The following EYS variants were observed in gnomAD, a reference collection of about 807,000 sequenced individuals.
EYS encodes the protein protein eyes shut homolog.
EYS carries 250 observed loss-of-function variants against 282.1 expected under a neutral mutation model. The ratio of observed to expected loss-of-function variants is 0.89; its 90% CI spans 0.80 to 0.98. The LOEUF is 0.98. EYS is among the 50% of genes least tolerant of loss of function. The pLI is 0.00. For synonymous variants in EYS, 1,355 were observed against 1,282.9 expected (o/e 1.06, Z -1.20); for missense variants, 4,016 against 3,709.0 (o/e 1.08, Z -2.15).
At chr6:64,693,956 A>G (rs1275781740) in intron 22 of EYS, among the ~76,000 whole-genome samples, 1 of 152,198 alleles carries the variant, frequency 6.6e-6, no homozygotes, top group Non-Finnish European at 1.5e-5. Context: ...AATCAATCCT[A>G]TCTTTTAAAA....
At chr6:65,021,232 A>G (rs989874962) in intron 13 of EYS, among the ~76,000 whole-genome samples, 3 of 152,074 alleles carry the variant, frequency 2.0e-5, no homozygotes, top group Non-Finnish European at 4.4e-5. Flanking sequence ...CCAAACTTTT[A>G]TGCTCCGCTT....
intron 26 of EYS, among the ~76,000 whole-genome samples, chr6:64,470,154 T>A (rs1031527864): frequency 4.6e-5 from 7 of 152,170 alleles, no homozygotes; most frequent in Admixed American, 2.0e-4. Flanking sequence ...TGCGTCTTGG[T>A]GGTAGTGGTC....
At chr6:65,604,842 CTT>C (rs10583844) in intron 2 of EYS, among the ~76,000 whole-genome samples, 44,172 of 129,642 alleles carry the variant, frequency 0.34, 8,591 homozygotes, top group Non-Finnish European at 0.47. Context: ...TCACTGCCCC[CTT>C]TTTTTTTTTT....
chr6:65,054,615 A>G (rs1008859203), intron 13 of EYS, among the ~76,000 whole-genome samples: 22 of 152,092 alleles, frequency 1.4e-4, no homozygotes, highest in African/African-American at 5.1e-4. Flanking sequence ...AAACTGAATT[A>G]GAATGTATTT....
At chr6:65,563,344 T>A (rs926538909) in intron 2 of EYS, among the ~76,000 whole-genome samples, 15 of 152,152 alleles carry the variant, frequency 9.9e-5, no homozygotes, top group African/African-American at 3.6e-4. Flanking sequence ...TTCAAGTTCA[T>A]TACTAAATAT....
chr6:64,574,982 T>C (rs1381331288), intron 26 of EYS, among the ~76,000 whole-genome samples: 2 of 152,000 alleles, frequency 1.3e-5, no homozygotes, highest in African/African-American at 2.4e-5. Flanking sequence ...TTTTAGAGAG[T>C]GATAGAGGCA....
intron 5 of EYS, among the ~76,000 whole-genome samples, chr6:65,424,386 T>C (rs895966734): frequency 6.6e-6 from 1 of 152,158 alleles, no homozygotes; most frequent in Admixed American, 6.6e-5. Flanking sequence ...AAAATGAATA[T>C]TTATCCTATG....
intron 36 of EYS, among the ~76,000 whole-genome samples, chr6:63,861,138 A>C (rs1772520954): frequency 6.6e-6 from 1 of 152,184 alleles, no homozygotes; most frequent in South Asian, 2.1e-4. Context: ...TGTACAAAAT[A>C]AAACTCTTGT....
At chr6:63,851,015 G>T (rs1581893024) in intron 36 of EYS, among the ~76,000 whole-genome samples, 1 of 152,082 alleles carries the variant, frequency 6.6e-6, no homozygotes, top group Non-Finnish European at 1.5e-5. Context: ...AAGAAGCAGG[G>T]GTTGCAATCC....
At chr6:64,200,628 C>A (rs1765434844) in intron 31 of EYS, among the ~76,000 whole-genome samples, 2 of 152,000 alleles carry the variant, frequency 1.3e-5, no homozygotes, top group Admixed American at 1.3e-4. Flanking sequence ...GCTCAGAATT[C>A]CTGGAGGTAT....
chr6:64,494,737 T>C (rs2150507981), intron 26 of EYS, among the ~76,000 whole-genome samples: 1 of 151,808 alleles, frequency 6.6e-6, no homozygotes, highest in South Asian at 2.1e-4. Flanking sequence ...TCTGGTACCA[T>C]TTTATACCTC....
chr6:64,310,738 G>A (rs1452270962), intron 29 of EYS, among the ~76,000 whole-genome samples: 1 of 149,980 alleles, frequency 6.7e-6, no homozygotes, highest in African/African-American at 2.4e-5. Flanking sequence ...TAAAATAGAA[G>A]TTAAAAGAAA....
At chr6:63,905,610 G>A (rs141109582) in intron 35 of EYS, among the ~76,000 whole-genome samples, 301 of 152,282 alleles carry the variant, frequency 2.0e-3, no homozygotes, top group African/African-American at 6.7e-3. Context: ...GATTACAGGC[G>A]TAAGCCACCG....
intron 24 of EYS, among the ~76,000 whole-genome samples, chr6:64,604,107 C>G (rs145856445): frequency 1.6e-4 from 25 of 152,014 alleles, no homozygotes; most frequent in African/African-American, 4.8e-4. Context: ...GTATCTCTGT[C>G]TCTTTCTCTT....
At chr6:65,572,493 G>C (rs1331204) in intron 2 of EYS, among the ~76,000 whole-genome samples, 112,383 of 151,992 alleles carry the variant, frequency 0.74, 42,170 homozygotes, top group African/African-American at 0.86. Context: ...ATGAAAAATC[G>C]ATGTGGGGAA....
chr6:64,827,007 A>T (rs1313246122), intron 19 of EYS, among the ~76,000 whole-genome samples: 1 of 151,760 alleles, frequency 6.6e-6, no homozygotes, highest in Non-Finnish European at 1.5e-5. Flanking sequence ...CTGGTTTATA[A>T]ACCTGATTGA....
rs539118708 is a variant in EYS at position 65,505,954 on chromosome 6, C to T, written c.-332-9961G>A. Among the ~76,000 whole-genome samples, 9 of 152,222 alleles carry T rather than the reference C, an allele frequency of 5.9e-5. No individual in the cohort carries two copies. The South Asian group carries it at 1.2e-3, about 21-fold the overall frequency. On this transcript the variant is annotated intron_variant, in intron 2 of 42. Transcript: ENST00000503581. ...CTTTATGAGGTTTCTGCCTGCTTGG[C>T]TTATCAGTTACAAATAGGGGTATTT...
chr6:63,977,878 AG>A (rs1249634852), intron 35 of EYS, among the ~76,000 whole-genome samples: 1 of 152,094 alleles, frequency 6.6e-6, no homozygotes, highest in African/African-American at 2.4e-5. Flanking sequence ...AAAGAAATCA[AG>A]AATGCATTAC....
chr6:64,401,275 G>A (rs1773530338), intron 28 of EYS, among the ~76,000 whole-genome samples: 1 of 151,982 alleles, frequency 6.6e-6, no homozygotes, highest in Non-Finnish European at 1.5e-5. Context: ...CAAATCTTAA[G>A]CTTAACAAAA....
Sources: allele counts gnomAD v4.1 joint callset (sites outside exome capture counted in the v4.1 genomes callset), GRCh38; gene constraint gnomAD v4.1.1; transcripts MANE v1.5; gene names NCBI Gene and HGNC (gene_info 2026-07-23, HGNC 2026-07-21).